Variants in DRC2 observed in about 807,000 individuals in gnomAD.
The protein encoded by DRC2 is dynein regulatory complex subunit 2, also known as coiled-coil domain containing 65.
At chr12:48,914,373 C>A in the DRC2 span, 2 of 1,559,088 alleles carry the variant, frequency 1.3e-6, no homozygotes, top group African/African-American at 1.4e-5. Context: ...TGCTATTCAG[C>A]TGGAATGGTA....
chr12:48,906,906 T>C, the DRC2 span, among the ~76,000 whole-genome samples: 1 of 151,308 alleles, frequency 6.6e-6, no homozygotes, highest in Non-Finnish European at 1.5e-5. Flanking sequence ...CAGACACTTA[T>C]TGGAAGTTAT....
the DRC2 span, among the ~76,000 whole-genome samples, chr12:48,920,259 T>A: frequency 6.7e-6 from 1 of 148,504 alleles, no homozygotes; most frequent in Non-Finnish European, 1.5e-5. Context: ...CTGACCAACA[T>A]GGAGAAACTC....
At chr12:48,904,925 T>TA in the DRC2 span, 1 of 1,556,418 alleles carries the variant, frequency 6.4e-7, no homozygotes, top group South Asian at 1.2e-5. Flanking sequence ...TTCCTGGAGG[T>TA]ATATTTATTC....
the DRC2 span, among the ~76,000 whole-genome samples, chr12:48,915,112 TTC>T: frequency 2.5e-3 from 128 of 52,050 alleles, no homozygotes; most frequent in African/African-American, 5.3e-3. Flanking sequence ...CCCACTTTCT[TTC>T]TTTTTTTTTT....
chr12:48,914,467 C>A, the DRC2 span: 29 of 1,614,080 alleles, frequency 1.8e-5, no homozygotes, highest in African/African-American at 3.5e-4. Flanking sequence ...CAGCCACTTG[C>A]ACAATGTTGA....
the DRC2 span, chr12:48,917,191 C>G: frequency 2.0e-6 from 3 of 1,521,010 alleles, no homozygotes; most frequent in Admixed American, 5.2e-5. Flanking sequence ...TGGCTCACAC[C>G]TGTAATCCCA....
the DRC2 span, among the ~76,000 whole-genome samples, chr12:48,913,745 T>C: frequency 2.6e-5 from 4 of 152,194 alleles, no homozygotes; most frequent in East Asian, 7.7e-4. Flanking sequence ...TCCACCCGCC[T>C]TGGCCTCCCA....
At chr12:48,913,707 G>A in the DRC2 span, among the ~76,000 whole-genome samples, 1 of 151,966 alleles carries the variant, frequency 6.6e-6, no homozygotes, top group Admixed American at 6.6e-5. Context: ...ATGTTGGCCA[G>A]GCTGGTCTCG....
the DRC2 span, among the ~76,000 whole-genome samples, chr12:48,909,410 C>T: frequency 4.6e-5 from 7 of 152,196 alleles, no homozygotes; most frequent in Non-Finnish European, 7.3e-5. Context: ...TGCTATTCCC[C>T]GTATCTGGAA....
chr12:48,918,347 G>A, the DRC2 span: 7 of 1,614,164 alleles, frequency 4.3e-6, 1 homozygote, highest in Middle Eastern at 4.9e-4. Flanking sequence ...AAAGTTCCAG[G>A]ATGTACTCAA....
At chr12:48,914,813 CT>C in the DRC2 span, among the ~76,000 whole-genome samples, 9 of 151,354 alleles carry the variant, frequency 5.9e-5, no homozygotes, top group African/African-American at 1.5e-4. Flanking sequence ...CCACTTTCTT[CT>C]TTTTTTTTCT....
chr12:48,906,211 C>A, the DRC2 span, among the ~76,000 whole-genome samples: 2 of 152,114 alleles, frequency 1.3e-5, no homozygotes, highest in Non-Finnish European at 1.5e-5. Context: ...AGACCCTGGG[C>A]AGCTTCCAGA....
At chr12:48,911,534 G>C in the DRC2 span, among the ~76,000 whole-genome samples, 1 of 152,022 alleles carries the variant, frequency 6.6e-6, no homozygotes, top group East Asian at 1.9e-4. Flanking sequence ...CCCAGCCTGG[G>C]TGACAGGACA....
the DRC2 span, chr12:48,918,983 G>T: frequency 7.0e-6 from 8 of 1,138,030 alleles, no homozygotes; most frequent in East Asian, 7.3e-5. Flanking sequence ...GGAAAGGATA[G>T]CGGGGGCTTC....
chr12:48,919,824 A>C, the DRC2 span, among the ~76,000 whole-genome samples: 10 of 152,006 alleles, frequency 6.6e-5, no homozygotes, highest in Non-Finnish European at 8.8e-5. Context: ...TCTACATTTT[A>C]AATTGAAATG....
the DRC2 span, chr12:48,916,916 A>G: frequency 8.4e-5 from 131 of 1,560,504 alleles, no homozygotes; most frequent in East Asian, 2.8e-3. Context: ...AATTGTCATT[A>G]TTGGTCAATA....
chr12:48,916,945 AG>A, the DRC2 span: 8 of 1,611,504 alleles, frequency 5.0e-6, no homozygotes, highest in African/African-American at 5.3e-5. Flanking sequence ...CCCTCAGAGC[AG>A]GGACAGTGTC....
At chr12:48,916,934 T>C in the DRC2 span, 16 of 1,604,050 alleles carry the variant, frequency 1.0e-5, no homozygotes, top group Non-Finnish European at 1.4e-5. Flanking sequence ...ATATCCTGTA[T>C]CCCTCAGAGC....
the DRC2 span, chr12:48,914,681 T>C: frequency 1.9e-6 from 2 of 1,033,964 alleles, no homozygotes; most frequent in Non-Finnish European, 2.8e-6. Context: ...GCATCCCACA[T>C]TGATTATCAC....
Sources: gnomAD v4.1 joint callset for allele counts (sites outside exome capture counted in the v4.1 genomes callset) on GRCh38, gnomAD v4.1.1 for gene constraint, MANE v1.5 for transcripts, NCBI Gene and HGNC (gene_info 2026-07-23, HGNC 2026-07-21) for gene names.